The following POLR1C variants were observed in gnomAD, a reference collection of about 807,000 sequenced individuals.
POLR1C encodes RNA polymerase I and III subunit C.
POLR1C carries 42 observed loss-of-function variants against 38.3 expected under a neutral mutation model. The ratio of observed to expected loss-of-function variants is 1.10; its 90% CI spans 0.86 to 1.42. POLR1C has a LOEUF of 1.42. Among genes scored for constraint, POLR1C ranks in the 40% most tolerant of loss-of-function variants. The probability of loss-of-function intolerance (pLI) is 0.00; values close to 1 mark genes in which losing one functional copy is unlikely to be tolerated. For synonymous variants in POLR1C, 163 were observed against 163.9 expected, an observed-to-expected ratio of 0.99 and a Z score of 0.04; for missense variants, 507 against 450.5, an observed-to-expected ratio of 1.13 and a Z score of -1.14.
rs769410222 is a variant in POLR1C, at chr6:43,520,164, G to T, written c.481G>T (p.Glu161Ter). The change falls in exon 5 of 9, where the codon GAA becomes TAA. Residue 161 changes from glutamate (E) to a stop codon, truncating the protein, a stop_gained. Coordinates refer to ENST00000642195, the MANE Select transcript of POLR1C (RefSeq NM_203290.4). LOFTEE classifies it high-confidence loss of function. ...HAAKDSSDPN[E>*]LYVNHKVYTR... ...TGCTAAAGATTCCTCTGACCCCAAC[G>T]AACTGTACGTGAACCACAAAGGTGA... 3 of 1,614,174 alleles carry T rather than the reference G, an allele frequency of 1.9e-6. No individual in the cohort carries two copies. The highest frequency in any genetic ancestry group is 8.5e-7 in the Non-Finnish European group (1 of 1,180,048).
chr6:43,523,561 A>T, downstream of POLR1C: 1 of 543,912 alleles, frequency 1.8e-6, no homozygotes, highest in Non-Finnish European at 3.6e-6. Flanking sequence ...CGGGGGTGGG[A>T]GGGCTTGTGG....
At chr6:43,540,535 C>T (rs1422958349) in intron 9 of POLR1C, among the ~76,000 whole-genome samples, 2 of 152,172 alleles carry the variant, frequency 1.3e-5, no homozygotes, top group Non-Finnish European at 2.9e-5. Context: ...CACCTGTAAT[C>T]CCAGCTACTC....
intron 10 of POLR1C, among the ~76,000 whole-genome samples, chr6:43,554,703 G>A (rs895829223): frequency 7.2e-5 from 11 of 152,286 alleles, no homozygotes; most frequent in South Asian, 6.2e-4. Context: ...GATTACAGGC[G>A]TGAGCCACCC....
chr6:43,539,133 C>A (rs1475513178), intron 9 of POLR1C: 9 of 1,186,536 alleles, frequency 7.6e-6, no homozygotes, highest in Non-Finnish European at 1.1e-5. Context: ...CGCACCAGCA[C>A]AGAGCCACGG....
intron 8 of POLR1C, chr6:43,528,238 T>C: frequency 3.2e-6 from 5 of 1,567,110 alleles, no homozygotes; most frequent in Middle Eastern, 1.7e-4. Context: ...AATGCTAGAA[T>C]TGGGGAAAGG....
intron 8 of POLR1C, chr6:43,526,543 C>T (rs993591100): frequency 2.2e-6 from 2 of 904,858 alleles, no homozygotes; most frequent in East Asian, 2.7e-5. Flanking sequence ...TGGAGGCACA[C>T]AGCAAGAGGG....
downstream of POLR1C, among the ~76,000 whole-genome samples, chr6:43,532,567 T>C (rs1481054948): frequency 6.6e-6 from 1 of 152,212 alleles, no homozygotes; most frequent in Non-Finnish European, 1.5e-5. Flanking sequence ...GTTCTGGACA[T>C]ACCAAGGCCT....
rs1795136350 is a variant in POLR1C at position 43,549,692 on chromosome 6, C to A, written c.*5-1276C>A. 14 of 1,328,836 alleles carry A rather than the reference C, an allele frequency of 1.1e-5. No homozygotes were observed. In the South Asian group the frequency reaches 1.8e-4, roughly 17 times the overall value. The allele number at this position is 1,328,836 out of a possible 1,614,324, so 82.3% of individuals were successfully genotyped here. ...CAAATTCACAATGATTTTTCACAAC[C>A]CTAAGAGTATAATGGAGTAACATTT... On this transcript the variant is annotated intron_variant, in intron 9 of 10. Coordinates refer to the POLR1C transcript ENST00000607635.
At chr6:43,536,902 T>C (rs112387229) in intron 9 of POLR1C, among the ~76,000 whole-genome samples, 4,938 of 151,510 alleles carry the variant, frequency 0.033, 254 homozygotes, top group African/African-American at 0.11. Flanking sequence ...ATGGTGTCTG[T>C]CCTCGACAAC....
At chr6:43,539,021 C>A (rs1794523779) in intron 9 of POLR1C, 1 of 1,548,756 alleles carries the variant, frequency 6.5e-7, no homozygotes, top group Admixed American at 1.7e-5. Context: ...GGCAGTGCAG[C>A]CCTGGGCTGA....
At chr6:43,558,378 A>G in intron 10 of POLR1C, 1 of 817,802 alleles carries the variant, frequency 1.2e-6, no homozygotes. Context: ...AGGGCCTAAT[A>G]AGTAGGCTGC....
At position 43,538,646 on chromosome 6, in the gene POLR1C, G is replaced by A. The variant is rs559865243; in HGVS notation, c.*4+9287G>A. On this transcript the variant is annotated intron_variant, in intron 9 of 10. Coordinates refer to the POLR1C transcript ENST00000607635. Reference sequence around the variant, plus strand: ...TAGCTCCATATTGCTTTTGATTTGGGATTTTCGTCTCTATGTTTACAAGTG... The same window carrying A: ...TAGCTCCATATTGCTTTTGATTTGGAATTTTCGTCTCTATGTTTACAAGTG... 2.0e-5 allele frequency among the ~76,000 whole-genome samples: 3 copies of A among 152,230 alleles called. No homozygotes were observed. The South Asian group carries it at 6.2e-4, about 32-fold the overall frequency.
rs375825472 is a variant in POLR1C, at chr6:43,542,689, G to A, written c.*5-8279G>A. Among the ~76,000 whole-genome samples, 33 of 152,174 alleles carry A rather than the reference G, an allele frequency of 2.2e-4. No homozygotes were observed. The East Asian group carries it at 2.5e-3, about 12-fold the overall frequency. Reference sequence around the variant, plus strand: ...GATTCACCTGCTTCGGCCTCCCAAAGTGCTTGGATTACAGGCGTGAGCCAC... The same window carrying A: ...GATTCACCTGCTTCGGCCTCCCAAAATGCTTGGATTACAGGCGTGAGCCAC... On this transcript the variant is annotated intron_variant, in intron 9 of 10. Transcript: ENST00000607635.
intron 9 of POLR1C, among the ~76,000 whole-genome samples, chr6:43,543,620 C>G (rs1437856579): frequency 1.3e-5 from 2 of 152,062 alleles, no homozygotes; most frequent in African/African-American, 4.8e-5. Flanking sequence ...CACACACTCA[C>G]AAGTTAAGCC....
At chr6:43,558,459 T>G (rs775502477) in intron 10 of POLR1C, 4 of 1,522,398 alleles carry the variant, frequency 2.6e-6, no homozygotes, top group Non-Finnish European at 3.6e-6. Flanking sequence ...CTAGATGCCA[T>G]TCTGAGACTG....
At chr6:43,523,449 T>C (rs1793324460), downstream of POLR1C, 2 of 341,994 alleles carry the variant, frequency 5.8e-6, no homozygotes, top group Non-Finnish European at 5.7e-6. Context: ...AGAGAAACTC[T>C]GGCACAAGTA....
chr6:43,558,489 A>C, intron 10 of POLR1C: 2 of 1,585,230 alleles, frequency 1.3e-6, no homozygotes, highest in Non-Finnish European at 1.7e-6. Flanking sequence ...ATCCAAGGCC[A>C]ACATCACTTA....
At chr6:43,531,522 A>G (rs1303952142), downstream of POLR1C, 56 of 1,613,852 alleles carry the variant, frequency 3.5e-5, no homozygotes, top group Non-Finnish European at 4.7e-5. Flanking sequence ...ATTCTTTCCA[A>G]GACGGTTTTG....
chr6:43,560,746 G>A (rs905123637), intron 10 of POLR1C, among the ~76,000 whole-genome samples: 3 of 152,288 alleles, frequency 2.0e-5, no homozygotes, highest in Non-Finnish European at 2.9e-5. Flanking sequence ...CTAGACAAGT[G>A]CACTGTTTGG....
Sources: gnomAD v4.1 joint callset for allele counts (sites outside exome capture counted in the v4.1 genomes callset) on GRCh38, gnomAD v4.1.1 for gene constraint, MANE v1.5 for transcripts, NCBI Gene and HGNC (gene_info 2026-07-23, HGNC 2026-07-21) for gene names.